SYCP2L: variants seen among roughly 807,000 people sequenced by gnomAD.
SYCP2L encodes synaptonemal complex protein 2 like.
A neutral mutation model predicts 125.8 loss-of-function variants in SYCP2L; 98 were observed. That is an observed-to-expected ratio of 0.78 (90% confidence interval 0.66 to 0.92). SYCP2L has a LOEUF of 0.92. SYCP2L is among the 40% of genes least tolerant of loss of function. The pLI is 0.00. For missense variants in SYCP2L, 842 were observed against 936.4 expected, an observed-to-expected ratio of 0.90 and a Z score of 1.32; for synonymous variants, 317 against 325.4, an observed-to-expected ratio of 0.97 and a Z score of 0.28.
chr6:10,923,531 G>T (rs909820146), intron 14 of SYCP2L, among the ~76,000 whole-genome samples: 2 of 150,212 alleles, frequency 1.3e-5, no homozygotes, highest in Non-Finnish European at 3.0e-5. Context: ...GATTACAGGG[G>T]TGCACCACCA....
At chr6:10,950,823 A>G (rs1022201126) in intron 23 of SYCP2L, among the ~76,000 whole-genome samples, 2 of 152,002 alleles carry the variant, frequency 1.3e-5, no homozygotes, top group Non-Finnish European at 2.9e-5. Context: ...ACCACACCCA[A>G]CGGATTTTTG....
At chr6:10,921,623 A>G (rs1780800770) in intron 14 of SYCP2L, among the ~76,000 whole-genome samples, 2 of 151,710 alleles carry the variant, frequency 1.3e-5, no homozygotes, top group Admixed American at 1.3e-4. Flanking sequence ...TTCTCTGATG[A>G]TCAGTGATGT....
chr6:10,935,019 T>C (rs775006131), intron 20 of SYCP2L, 39 bp from the exon 21 acceptor site: 1 of 1,505,448 alleles, frequency 6.6e-7, no homozygotes, highest in Non-Finnish European at 8.9e-7. Context: ...TTGTTTTTAA[T>C]TATGAATGTT....
Position 10,924,561 on chromosome 6 carries a change from G to A in SYCP2L, c.1138G>A (p.Val380Ile), listed in dbSNP as rs768820963. 1 of 1,605,160 alleles carries A rather than the reference G, an allele frequency of 6.2e-7. No homozygotes were observed. The change falls in exon 15 of 30, where the codon GTC (valine) becomes ATC (isoleucine). Residue 380 changes from valine to isoleucine, a missense_variant. Transcript: ENST00000283141. ...KKPMIISYKEVMKIEIHFDLQ... is the reference protein window; with the variant it reads ...KKPMIISYKEIMKIEIHFDLQ... ...GCCCATGATTATCAGCTACAAAGAA[G>A]TCATGAAAATAGAAATCCATTTTGA... is the stretch of plus-strand genomic sequence containing the variant.
At chr6:10,891,813 C>T (rs1338499324) in intron 2 of SYCP2L, among the ~76,000 whole-genome samples, 1 of 152,248 alleles carries the variant, frequency 6.6e-6, no homozygotes. Flanking sequence ...TATATCTAGT[C>T]AATTTACCAT....
chr6:10,950,715 C>T (rs1312224604), intron 23 of SYCP2L, among the ~76,000 whole-genome samples: 1 of 152,068 alleles, frequency 6.6e-6, no homozygotes, highest in Non-Finnish European at 1.5e-5. Flanking sequence ...GACTGGAGTA[C>T]GGTGTGCAAT....
Position 10,912,898 on chromosome 6 carries a change from A to C in SYCP2L, c.1043A>C (p.Lys348Thr). 1 of 1,613,926 alleles carries C rather than the reference A, an allele frequency of 6.2e-7. No individual in the cohort carries two copies. Among genetic ancestry groups the C allele is most frequent in the East Asian group, 2.2e-5 (1 of 44,870 alleles). The change falls in exon 14 of 30, where the codon AAG becomes ACG. Residue 348 changes from lysine (K) to threonine (T), a missense_variant. By Grantham distance (78) the Lys-to-Thr change is moderately conservative. Coordinates refer to ENST00000283141, the MANE Select transcript of SYCP2L (RefSeq NM_001040274.3). The surrounding 1 kb of genome is among the most constrained non-coding windows in gnomAD (Gnocchi z 4.1). ...CTATGGGACTCAGTGACACTTCCGA[A>C]GGAAGCGGTGATGAATTTCAGCATA... Reference protein sequence around the residue: ...NTLWDSVTLPKEAVMNFSITE... With the variant: ...NTLWDSVTLPTEAVMNFSITE...
chr6:10,911,949 T>G (rs1780616177), intron 12 of SYCP2L, among the ~76,000 whole-genome samples: 1 of 125,188 alleles, frequency 8.0e-6, no homozygotes, highest in Non-Finnish European at 1.6e-5. Flanking sequence ...TTGCCCAGGC[T>G]GGAGTGCCAT....
chr6:10,973,445 A>C (rs1781809771), intron 29 of SYCP2L, among the ~76,000 whole-genome samples: 3 of 152,206 alleles, frequency 2.0e-5, no homozygotes, highest in Admixed American at 2.0e-4. Flanking sequence ...AGGCAGGAGA[A>C]TCACTTGAAC....
In SYCP2L at chr6:10,902,536, T is replaced by C. The variant is rs536368550; in HGVS notation, c.467-141T>C. ...ATACCAGAAGACAATGCAACAGGAT[T>C]GTAAGAGGCACAGCCTGCAAAGTGG... On this transcript the variant is annotated intron_variant, in intron 6 of 29. Coordinates refer to ENST00000283141, the MANE Select transcript of SYCP2L (RefSeq NM_001040274.3). The C allele has an allele frequency of 1.5e-5, 10 of 659,348 alleles. No homozygotes were observed. In the South Asian group the frequency reaches 1.6e-4, roughly 10 times the overall value. 40.8% of individuals were successfully genotyped at this position (659,348 alleles called of 1,614,324 possible).
At chr6:10,907,892 G>GT (rs551103839) in intron 10 of SYCP2L, among the ~76,000 whole-genome samples, 26,271 of 91,654 alleles carry the variant, frequency 0.29, 5,507 homozygotes, top group East Asian at 0.46. Context: ...ATACAGATAG[G>GT]TTTTTTTTTT....
At chr6:10,958,735 A>G in intron 25 of SYCP2L, 49 bp from the exon 26 acceptor site, 1 of 1,525,150 alleles carries the variant, frequency 6.6e-7, no homozygotes, top group Non-Finnish European at 9.0e-7. Flanking sequence ...CACTCAACTT[A>G]TGTAATTATA....
intron 4 of SYCP2L, 34 bp downstream of exon 4, chr6:10,894,238 G>T: frequency 6.2e-7 from 1 of 1,604,602 alleles, no homozygotes; most frequent in South Asian, 1.1e-5. Flanking sequence ...TATGGCTTTG[G>T]GTAACTTAGA....
rs372949626 is a variant in SYCP2L, at chr6:10,942,480, T to C, written c.1835T>C (p.Leu612Pro). The change falls in exon 22 of 30, where the codon CTG (leucine) becomes CCG (proline). Residue 612 changes from leucine to proline, a missense_variant. Transcript: ENST00000283141. Reference sequence around the variant, plus strand: ...TCAGAGCTTCAAGATCCTCACTCACTGAGTGAGCTCTCTTCCTTGAAGCAC... The same window carrying C: ...TCAGAGCTTCAAGATCCTCACTCACCGAGTGAGCTCTCTTCCTTGAAGCAC... ...QKTELQDPHS[L>P]SELSSLKHSE... The C allele has an allele frequency of 4.3e-5, 68 of 1,593,486 alleles. No homozygotes were observed. The highest frequency in any genetic ancestry group is 5.8e-5 in the Non-Finnish European group (68 of 1,173,950).
At chr6:10,963,411 C>T in intron 28 of SYCP2L, 1 of 259,922 alleles carries the variant, frequency 3.8e-6, no homozygotes, top group Non-Finnish European at 7.5e-6. Context: ...CTTGTCTGTC[C>T]TTATCTTATG....
At chr6:10,945,818 A>G (rs1781306777) in intron 23 of SYCP2L, among the ~76,000 whole-genome samples, 1 of 151,546 alleles carries the variant, frequency 6.6e-6, no homozygotes, top group Non-Finnish European at 1.5e-5. Flanking sequence ...GATAAAAGTA[A>G]AATATTTACC....
chr6:10,897,258 AG>A (rs1260940673), intron 4 of SYCP2L, among the ~76,000 whole-genome samples: 1 of 152,206 alleles, frequency 6.6e-6, no homozygotes, highest in Non-Finnish European at 1.5e-5. Flanking sequence ...TTTTAACGAA[AG>A]AAAGATACCT....
At chr6:10,942,413 T>C in intron 21 of SYCP2L, 46 bp from the exon 22 acceptor site, 1 of 1,220,494 alleles carries the variant, frequency 8.2e-7, no homozygotes, top group South Asian at 1.5e-5. Flanking sequence ...TCTTATTGCT[T>C]TGTTACTTGG....
chr6:10,899,667 A>C (rs1362450212), intron 6 of SYCP2L, among the ~76,000 whole-genome samples: 1 of 152,248 alleles, frequency 6.6e-6, no homozygotes, highest in Non-Finnish European at 1.5e-5. Flanking sequence ...ACATGTTTTT[A>C]GTTTTCTTCT....
Sources: gnomAD v4.1 joint callset for allele counts (sites outside exome capture counted in the v4.1 genomes callset) on GRCh38, gnomAD v4.1.1 for gene constraint, Gnocchi (gnomAD v3.1) non-coding constraint, MANE v1.5 for transcripts, NCBI Gene and HGNC (gene_info 2026-07-23, HGNC 2026-07-21) for gene names.